Variants in CPNE6 observed in about 807,000 individuals in gnomAD.
The protein encoded by CPNE6 is copine 6, also known as copine-6.
A neutral mutation model predicts 71.5 loss-of-function variants in CPNE6; 33 were observed. The observed-to-expected ratio is 0.46, with a 90% CI of 0.35 to 0.62. CPNE6 has a LOEUF of 0.62. Among genes scored for constraint, CPNE6 ranks in the 20% least tolerant of loss-of-function variants. The pLI is 0.00. For missense variants in CPNE6, 576 were observed against 747.3 expected, an observed-to-expected ratio of 0.77 and a Z score of 2.67; for synonymous variants, 296 against 293.0, an observed-to-expected ratio of 1.01 and a Z score of -0.10.
At position 24,073,010 on chromosome 14, in the gene CPNE6, G is replaced by T; in HGVS notation, c.74G>T (p.Arg25Leu). ...CTGGGGGCCTCTCGGGTGGAGCTGC[G>T]GGTGTCCTGCCATGGCCTCCTGGAC... The change falls in exon 3 of 18, where the codon CGG (arginine) becomes CTG (leucine). Residue 25 changes from arginine to leucine, a missense_variant. This residue lies in a region of CPNE6 where 89 missense variants were observed against 80.4 expected (regional missense o/e 1.11). Coordinates refer to ENST00000397016, the Ensembl canonical transcript of CPNE6. This position sits in a 1 kb window ranked among gnomAD's most constrained non-coding sequence, Gnocchi z 5.5. 1.3e-6 allele frequency: 2 copies of T among 1,581,290 alleles called. No homozygotes were observed. The highest frequency in any genetic ancestry group is 2.4e-5 in the East Asian group (1 of 42,152).
intron 14 of CPNE6, 76 bp downstream of exon 13, chr14:24,076,633 G>A (rs1485482228): frequency 1.9e-6 from 3 of 1,584,986 alleles, no homozygotes; most frequent in South Asian, 2.2e-5. Context: ...CCACTCCCCA[G>A]GGCCCAGCTT....
chr14:24,076,124 T>C, intron 11 of CPNE6, 25 bp from the exon 11 acceptor site: 1 of 1,609,006 alleles, frequency 6.2e-7, no homozygotes, highest in Admixed American at 1.7e-5. Flanking sequence ...GGTTGCAGCA[T>C]GACCTTCTTC....
chr14:24,073,702 C>A lies in CPNE6; in HGVS notation c.348+24C>A, dbSNP rs756362075. ...AGGTCTGCATTCCCGGCCTCCCCGG[C>A]TACCCTACCCTACCTCCATCAGCTT... is the stretch of plus-strand genomic sequence containing the variant. On this transcript the variant is annotated intron_variant, in intron 4 of 17. Transcript: ENST00000397016. The surrounding 1 kb of genome is among the most constrained non-coding windows in gnomAD (Gnocchi z 5.5). 1 of 1,598,576 alleles carries A rather than the reference C, an allele frequency of 6.3e-7. No individual in the cohort carries two copies. The highest frequency in any genetic ancestry group is 2.2e-5 in the East Asian group (1 of 44,714).
chr14:24,071,542 G>A lies in CPNE6; in HGVS notation c.-104G>A. On this transcript the variant is annotated 5_prime_UTR_variant, in exon 2 of 18. Coordinates refer to ENST00000397016, the Ensembl canonical transcript of CPNE6. ...CCCCATCCAGGCCCCATAAATAGCAGCAGAGCCGGAGCTGGAGCCGGCGCC... is the reference window on the plus strand; with the variant it reads ...CCCCATCCAGGCCCCATAAATAGCAACAGAGCCGGAGCTGGAGCCGGCGCC... The A allele has an allele frequency of 9.2e-7, 1 of 1,089,980 alleles. No individual in the cohort carries two copies. Among genetic ancestry groups the A allele is most frequent in the Non-Finnish European group, 1.2e-6 (1 of 830,356 alleles). The allele number at this position is 1,089,980 out of a possible 1,614,324, so 67.5% of individuals were successfully genotyped here.
rs552856067 is a variant in CPNE6 at position 24,073,133 on chromosome 14, T to G, written c.168+29T>G. On this transcript the variant is annotated intron_variant, in intron 3 of 17. Transcript: ENST00000397016. This position sits in a 1 kb window ranked among gnomAD's most constrained non-coding sequence, Gnocchi z 5.5. ...AGAGCAGCTCAGGTTTCTCCTTAAC[T>G]AACCTGGGTTAAGCTTGGGAAAGAG... The G allele has an allele frequency of 6.3e-6, 9 of 1,426,700 alleles. No homozygotes were observed. In the Admixed American group the frequency reaches 2.5e-4, roughly 39 times the overall value. The allele number at this position is 1,426,700 out of a possible 1,614,324, so 88.4% of individuals were successfully genotyped here.
Position 24,075,025 on chromosome 14 carries a change from C to T in CPNE6, c.673-147C>T, listed in dbSNP as rs1203221175. On this transcript the variant is annotated intron_variant, in intron 8 of 17. Transcript: ENST00000397016. This position sits in a 1 kb window ranked among gnomAD's most constrained non-coding sequence, Gnocchi z 4.3. ...CCAAAGAACAAAGTTCAGCAGGTGG[C>T]CTCTCCGGGCAGGCTGAGGATGTCT... 1.3e-6 allele frequency: 1 copy of T among 741,354 alleles called. No homozygotes were observed. Among genetic ancestry groups the T allele is most frequent in the Non-Finnish European group, 2.4e-6 (1 of 424,150 alleles). 45.9% of individuals were successfully genotyped at this position (741,354 alleles called of 1,614,324 possible).
In CPNE6 at chr14:24,074,833, C is replaced by A; in HGVS notation, c.672+38C>A. ...CCAAGCCAGCACAGCCTACTTAGAG[C>A]AACCAATCTGCTATCTAAGACCTTT... On this transcript the variant is annotated intron_variant, in intron 8 of 17. Coordinates refer to ENST00000397016, the Ensembl canonical transcript of CPNE6. This position sits in a 1 kb window ranked among gnomAD's most constrained non-coding sequence, Gnocchi z 4.5. 6.4e-7 allele frequency: 1 copy of A among 1,550,794 alleles called. No homozygotes were observed. Among genetic ancestry groups the A allele is most frequent in the Non-Finnish European group, 8.8e-7 (1 of 1,131,366 alleles).
At position 24,074,518 on chromosome 14, in the gene CPNE6, C is replaced by T; in HGVS notation, c.499-13C>T. On this transcript the variant is annotated splice_polypyrimidine_tract_variant and intron_variant, in intron 6 of 17. Coordinates refer to ENST00000397016, the Ensembl canonical transcript of CPNE6. This position sits in a 1 kb window ranked among gnomAD's most constrained non-coding sequence, Gnocchi z 4.5. ...CTCACCAACCTCAAGGGCCCTTTCT[C>T]CTGTATCTTCAGGATCTGTTCAGCA... 1 of 1,613,736 alleles carries T rather than the reference C, an allele frequency of 6.2e-7. No homozygotes were observed. Among genetic ancestry groups the T allele is most frequent in the Admixed American group, 1.7e-5 (1 of 60,028 alleles).
At position 24,073,434 on chromosome 14, in the gene CPNE6, C is replaced by T. The variant is rs962734383; in HGVS notation, c.169-65C>T. 1.3e-5 allele frequency: 20 copies of T among 1,556,592 alleles called. No homozygotes were observed. The highest frequency in any genetic ancestry group is 5.3e-5 in the Admixed American group (3 of 57,106). ...GAAGAGCTGGCATGACTAGGGCAGT[C>T]CAGGACAGGGAAAAGTATCCTCGGT... On this transcript the variant is annotated intron_variant, in intron 3 of 17. Transcript: ENST00000397016. This position sits in a 1 kb window ranked among gnomAD's most constrained non-coding sequence, Gnocchi z 5.5.
chr14:24,075,708 A>T lies in CPNE6; in HGVS notation c.864+117A>T. On this transcript the variant is annotated intron_variant, in intron 10 of 17. Coordinates refer to ENST00000397016, the Ensembl canonical transcript of CPNE6. This position sits in a 1 kb window ranked among gnomAD's most constrained non-coding sequence, Gnocchi z 4.3. ...TCTCTGCTTCTGGGAACTGGAAACCACCCCCAACTGCAACCCAAAAAACTC... is the reference window on the plus strand; with the variant it reads ...TCTCTGCTTCTGGGAACTGGAAACCTCCCCCAACTGCAACCCAAAAAACTC... 7.4e-7 allele frequency: 1 copy of T among 1,347,458 alleles called. No individual in the cohort carries two copies. Among genetic ancestry groups the T allele is most frequent in the Non-Finnish European group, 1.0e-6 (1 of 956,944 alleles). 83.5% of individuals were successfully genotyped at this position (1,347,458 alleles called of 1,614,324 possible). A position where few individuals can be genotyped will look rare whatever the true frequency, so the allele number is the denominator to read the frequency against.
In CPNE6 at chr14:24,073,438, G is replaced by C. The variant is rs7151831; in HGVS notation, c.169-61G>C. The C allele has an allele frequency of 3.3e-3, 5,206 of 1,567,236 alleles. 126 individuals are homozygous for C. In the African/African-American group the frequency reaches 0.056, roughly 17 times the overall value. On this transcript the variant is annotated intron_variant, in intron 3 of 17. Coordinates refer to ENST00000397016, the Ensembl canonical transcript of CPNE6. The surrounding 1 kb of genome is among the most constrained non-coding windows in gnomAD (Gnocchi z 5.5). ...AGCTGGCATGACTAGGGCAGTCCAG[G>C]ACAGGGAAAAGTATCCTCGGTTCCC...
In CPNE6 at chr14:24,074,808, C is replaced by G. The variant is rs946193649; in HGVS notation, c.672+13C>G. ...CCGACCTCTCAAGGTGAAGTCCCAG[C>G]CAAGCCAGCACAGCCTACTTAGAGC... is the stretch of plus-strand genomic sequence containing the variant. On this transcript the variant is annotated intron_variant, in intron 8 of 17. Transcript: ENST00000397016. The surrounding 1 kb of genome is among the most constrained non-coding windows in gnomAD (Gnocchi z 4.5). 6.2e-7 allele frequency: 1 copy of G among 1,606,916 alleles called. No homozygotes were observed. Among genetic ancestry groups the G allele is most frequent in the African/African-American group, 1.3e-5 (1 of 74,690 alleles).
chr14:24,074,821 G>T lies in CPNE6; in HGVS notation c.672+26G>T. The T allele has an allele frequency of 6.3e-7, 1 of 1,597,062 alleles. No homozygotes were observed. Among genetic ancestry groups the T allele is most frequent in the Non-Finnish European group, 8.6e-7 (1 of 1,169,404 alleles). On this transcript the variant is annotated intron_variant, in intron 8 of 17. Coordinates refer to ENST00000397016, the Ensembl canonical transcript of CPNE6. This position sits in a 1 kb window ranked among gnomAD's most constrained non-coding sequence, Gnocchi z 4.5. Reference sequence around the variant, plus strand: ...GTGAAGTCCCAGCCAAGCCAGCACAGCCTACTTAGAGCAACCAATCTGCTA... The same window carrying T: ...GTGAAGTCCCAGCCAAGCCAGCACATCCTACTTAGAGCAACCAATCTGCTA...
rs1470903301 is a variant in CPNE6 at position 24,074,681 on chromosome 14, AC to A, written c.583-23del. The A allele has an allele frequency of 3.1e-6, 5 of 1,613,686 alleles. No individual in the cohort carries two copies. In the East Asian group the frequency reaches 8.9e-5, roughly 29 times the overall value. ...AGTAAGAAGACACAGACAGGAGCTGACCAGCCACCTGGTGCCTCTCCAAGGT... is the reference window on the plus strand; with the variant it reads ...AGTAAGAAGACACAGACAGGAGCTGACAGCCACCTGGTGCCTCTCCAAGGT... On this transcript the variant is annotated intron_variant, in intron 7 of 17. Transcript: ENST00000397016. The surrounding 1 kb of genome is among the most constrained non-coding windows in gnomAD (Gnocchi z 4.5).
Position 24,077,064 on chromosome 14 carries a change from T to G in CPNE6, c.1299+52T>G, listed in dbSNP as rs1594235408. The G allele has an allele frequency of 1.2e-6, 2 of 1,601,998 alleles. No homozygotes were observed. The highest frequency in any genetic ancestry group is 1.7e-6 in the Non-Finnish European group (2 of 1,178,392). On this transcript the variant is annotated intron_variant, in intron 15 of 17. Coordinates refer to ENST00000397016, the Ensembl canonical transcript of CPNE6. The surrounding 1 kb of genome is among the most constrained non-coding windows in gnomAD (Gnocchi z 6.1). ...AGCTGTCCCATGTGTCTTTAAGTGG[T>G]GCCAGGGCCAGGGTCTGCACCTTGG...
In CPNE6 at chr14:24,076,490, C is replaced by T. The variant is rs371861222; in HGVS notation, c.1114-16C>T. On this transcript the variant is annotated splice_polypyrimidine_tract_variant and intron_variant, in intron 13 of 17. Coordinates refer to ENST00000397016, the Ensembl canonical transcript of CPNE6. ...AGAAAAGGCAGGCCCTCACTGCTCC[C>T]GCCTTGCCCTCACAGGTGTCCCATG... 36 of 1,614,034 alleles carry T rather than the reference C, an allele frequency of 2.2e-5. No individual in the cohort carries two copies. The highest frequency in any genetic ancestry group is 1.8e-4 in the Admixed American group (11 of 60,002).
chr14:24,073,932 A>G lies in CPNE6; in HGVS notation c.349-119A>G. The G allele has an allele frequency of 9.9e-7, 1 of 1,009,260 alleles. No individual in the cohort carries two copies. Among genetic ancestry groups the G allele is most frequent in the Non-Finnish European group, 1.5e-6 (1 of 647,504 alleles). The allele number at this position is 1,009,260 out of a possible 1,614,324, so 62.5% of individuals were successfully genotyped here. ...TATTGTAAAAATTGAGCCCAACCCTAGCCCAACTCAAAGTGCCAACCCTTG... is the reference window on the plus strand; with the variant it reads ...TATTGTAAAAATTGAGCCCAACCCTGGCCCAACTCAAAGTGCCAACCCTTG... On this transcript the variant is annotated intron_variant, in intron 4 of 17. Coordinates refer to ENST00000397016, the Ensembl canonical transcript of CPNE6. The surrounding 1 kb of genome is among the most constrained non-coding windows in gnomAD (Gnocchi z 5.5).
intron 2 of CPNE6, chr14:24,071,959 C>A (rs1007085737): frequency 3.0e-6 from 1 of 338,964 alleles, no homozygotes. Flanking sequence ...GAAACGGACA[C>A]ACGACATGGG....
Position 24,074,174 on chromosome 14 carries a change from C to T in CPNE6, c.423+49C>T. 6.3e-7 allele frequency: 1 copy of T among 1,594,456 alleles called. No individual in the cohort carries two copies. ...CCCTTGGTCCAGGTATTCAATGCCC[C>T]TGCATGGACACCTATGGTGACATCA... On this transcript the variant is annotated intron_variant, in intron 5 of 17. Coordinates refer to ENST00000397016, the Ensembl canonical transcript of CPNE6. This position sits in a 1 kb window ranked among gnomAD's most constrained non-coding sequence, Gnocchi z 4.5.
Sources: gnomAD v4.1 joint callset for allele counts on GRCh38, gnomAD v4.1.1 for gene constraint, gnomAD v4.1.1 regional missense constraint, Gnocchi (gnomAD v3.1) non-coding constraint, MANE v1.5 for transcripts, NCBI Gene and HGNC (gene_info 2026-07-23, HGNC 2026-07-21) for gene names.